The following SH3D19 variants were observed in gnomAD, a reference collection of about 807,000 sequenced individuals.
SH3D19 encodes the protein SH3 domain-containing protein 19.
A neutral mutation model predicts 112.1 loss-of-function variants in SH3D19; 58 were observed. The observed-to-expected ratio is 0.52, with a 90% CI of 0.42 to 0.64. The LOEUF (loss-of-function observed/expected upper bound fraction) is 0.64. Among genes scored for constraint, SH3D19 ranks in the 30% least tolerant of loss-of-function variants. The pLI, the probability that SH3D19 is intolerant of heterozygous loss-of-function variation, is 0.00. For missense variants in SH3D19, 1,090 were observed against 1,263.4 expected (o/e 0.86, Z 2.08); for synonymous variants, 391 against 448.5 (o/e 0.87, Z 1.62).
chr4:151,138,127 A>G (rs935120783), intron 13 of SH3D19, among the ~76,000 whole-genome samples: 1 of 152,216 alleles, frequency 6.6e-6, no homozygotes, highest in Non-Finnish European at 1.5e-5. Context: ...GTGTTAGCAA[A>G]TGTTTCCTAC....
At chr4:151,298,654 T>C (rs913696054) in intron 1 of SH3D19, among the ~76,000 whole-genome samples, 47 of 152,252 alleles carry the variant, frequency 3.1e-4, no homozygotes, top group Non-Finnish European at 5.1e-4. Context: ...CACAATCTGT[T>C]TGAATCATGG....
chr4:151,200,435 T>A (rs960784188), intron 2 of SH3D19, among the ~76,000 whole-genome samples: 5 of 152,196 alleles, frequency 3.3e-5, no homozygotes, highest in Non-Finnish European at 7.3e-5. Context: ...AAACTTACAA[T>A]TAAAGTAAAG....
In SH3D19 at chr4:151,123,297, C is replaced by G. The variant is rs752080125; in HGVS notation, c.3028-1090G>C. Among the ~76,000 whole-genome samples the G allele has an allele frequency of 2.6e-5, 4 of 152,236 alleles. 1 individual carries two copies. Among genetic ancestry groups the G allele is most frequent in the African/African-American group, 9.6e-5 (4 of 41,464 alleles). On this transcript the variant is annotated intron_variant, in intron 19 of 19. Coordinates refer to ENST00000604030, the MANE Select transcript of SH3D19 (RefSeq NM_001378122.1). Reference sequence around the variant, plus strand: ...ATTCCTGGGCTTATATTCCTAACCACTAGGCTATGTGGCCGCCAGATTTTA... The same window carrying G: ...ATTCCTGGGCTTATATTCCTAACCAGTAGGCTATGTGGCCGCCAGATTTTA...
At chr4:151,244,961 G>A (rs1770823382) in intron 1 of SH3D19, among the ~76,000 whole-genome samples, 1 of 152,024 alleles carries the variant, frequency 6.6e-6, no homozygotes, top group Non-Finnish European at 1.5e-5. Context: ...TGGCTAACAC[G>A]GTGAAATCTC....
rs539577807 is a variant in SH3D19, at chr4:151,280,153, A to T, written c.112+45088T>A. 3.7e-3 allele frequency among the ~76,000 whole-genome samples: 254 copies of T among 68,278 alleles called. 2 individuals are homozygous for T. The highest frequency in any genetic ancestry group is 8.7e-3 in the African/African-American group (252 of 29,090). The allele number at this position is 68,278 out of a possible 152,430, so 44.8% of individuals were successfully genotyped here. A position where few individuals can be genotyped will look rare whatever the true frequency, so the allele number is the denominator to read the frequency against. ...AGAAAAAGGAAAGTTGGAGACAGGCACTATATTAAAGACTTTTCTTATTTT... is the reference window on the plus strand; with the variant it reads ...AGAAAAAGGAAAGTTGGAGACAGGCTCTATATTAAAGACTTTTCTTATTTT... On this transcript the variant is annotated intron_variant, in intron 1 of 19. Coordinates refer to ENST00000604030, the MANE Select transcript of SH3D19 (RefSeq NM_001378122.1).
intron 1 of SH3D19, among the ~76,000 whole-genome samples, chr4:151,244,226 C>A (rs1045097807): frequency 3.9e-5 from 6 of 152,056 alleles, no homozygotes; most frequent in African/African-American, 7.2e-5. Flanking sequence ...ACAACAACAA[C>A]AAATACACAA....
At chr4:151,243,062 T>C (rs1181055824) in intron 1 of SH3D19, among the ~76,000 whole-genome samples, 1 of 152,166 alleles carries the variant, frequency 6.6e-6, no homozygotes, top group Non-Finnish European at 1.5e-5. Context: ...ATTAGAAAAA[T>C]TGCAAAAAGA....
At chr4:151,232,485 G>A (rs549371943) in intron 1 of SH3D19, among the ~76,000 whole-genome samples, 7 of 152,278 alleles carry the variant, frequency 4.6e-5, no homozygotes, top group African/African-American at 1.4e-4. Context: ...GTCAGCTGCC[G>A]TCATGTTGTT....
chr4:151,127,147 G>A lies in SH3D19; in HGVS notation c.3027+471C>T, dbSNP rs1367850715. On this transcript the variant is annotated intron_variant, in intron 19 of 19. Transcript: ENST00000604030. ...AGGATGGTCTCGATCTCCTGACCTC[G>A]TGATCCCCCCACCTCGGCCTCCCAA... Among the ~76,000 whole-genome samples the A allele has an allele frequency of 3.3e-5, 5 of 152,004 alleles. No homozygotes were observed. The South Asian group carries it at 6.2e-4, about 19-fold the overall frequency.
At chr4:151,132,226 T>C (rs889286722) in intron 17 of SH3D19, 105 bp downstream of exon 17, 1 of 880,570 alleles carries the variant, frequency 1.1e-6, no homozygotes, top group South Asian at 1.6e-5. Flanking sequence ...GTTGTATGAA[T>C]TGAAAAATTA....
chr4:151,132,311 C>T lies in SH3D19; in HGVS notation c.2742+20G>A. 6.2e-7 allele frequency: 1 copy of T among 1,611,622 alleles called. No homozygotes were observed. ...GTCTGAACCTGGCTGTCACTATAGT[C>T]ATCTGTTCAAGCAGCCTACCTGAGA... is the stretch of plus-strand genomic sequence containing the variant. On this transcript the variant is annotated intron_variant, in intron 17 of 19. Transcript: ENST00000604030.
chr4:151,205,994 C>G (rs1278728846), intron 2 of SH3D19, among the ~76,000 whole-genome samples: 1 of 151,766 alleles, frequency 6.6e-6, no homozygotes. Flanking sequence ...ATACAGTTGA[C>G]TGTTGAGAGG....
At chr4:151,169,120 T>C (rs1407044509) in intron 7 of SH3D19, among the ~76,000 whole-genome samples, 1 of 152,196 alleles carries the variant, frequency 6.6e-6, no homozygotes, top group Non-Finnish European at 1.5e-5. Flanking sequence ...CCAATCATTT[T>C]TTGTTTTAAC....
intron 11 of SH3D19, 159 bp from the exon 12 acceptor site, chr4:151,144,209 C>T (rs1342130222): frequency 3.1e-6 from 5 of 1,611,172 alleles, no homozygotes; most frequent in Non-Finnish European, 4.2e-6. Context: ...AAGGAAAGAG[C>T]TCTACTTTAC....
chr4:151,232,238 C>T (rs935477395), intron 1 of SH3D19, among the ~76,000 whole-genome samples: 1 of 152,122 alleles, frequency 6.6e-6, no homozygotes, highest in African/African-American at 2.4e-5. Flanking sequence ...ATGTTTTCTC[C>T]TTCCCATCCC....
intron 4 of SH3D19, 88 bp from the exon 5 acceptor site, chr4:151,177,043 C>T: frequency 1.7e-6 from 2 of 1,167,936 alleles, no homozygotes; most frequent in Non-Finnish European, 2.2e-6. Flanking sequence ...TGAAAACCAC[C>T]ATCAACCAAA....
Position 151,176,897 on chromosome 4 carries a change from C to T in SH3D19, c.295G>A (p.Gly99Arg). ...AATCCCAGTCCTGGGGGTGGGGTTC[C>T]TGGAAACCACGAGGCTGGCCTCAGT... is the stretch of plus-strand genomic sequence containing the variant. Reference protein sequence around the residue: ...EPLRPASWFPGTPPPGLGFPT... With the variant: ...EPLRPASWFPRTPPPGLGFPT... Residue 99 changes from glycine to arginine, a missense_variant, in exon 5 of 20, where the codon GGA (glycine) becomes AGA (arginine). Coordinates refer to ENST00000604030, the MANE Select transcript of SH3D19 (RefSeq NM_001378122.1). The T allele has an allele frequency of 1.6e-6, 2 of 1,232,216 alleles. No homozygotes were observed. The highest frequency in any genetic ancestry group is 1.0e-6 in the Non-Finnish European group (1 of 987,980). The allele number at this position is 1,232,216 out of a possible 1,614,324, so 76.3% of individuals were successfully genotyped here.
At chr4:151,304,959 TAAAAC>T (rs139381170) in intron 1 of SH3D19, among the ~76,000 whole-genome samples, 17 of 152,112 alleles carry the variant, frequency 1.1e-4, no homozygotes, top group South Asian at 2.1e-4. Flanking sequence ...GTTCTAGGCA[TAAAAC>T]AAAACAAAAC....
intron 18 of SH3D19, 48 bp from the exon 19 acceptor site, chr4:151,127,763 A>C: frequency 9.1e-7 from 1 of 1,092,950 alleles, no homozygotes; most frequent in Non-Finnish European, 1.3e-6. Flanking sequence ...AGTGGACTAA[A>C]ACACAAATCT....
Sources: allele counts gnomAD v4.1 joint callset (sites outside exome capture counted in the v4.1 genomes callset), GRCh38; gene constraint gnomAD v4.1.1; transcripts MANE v1.5; gene names NCBI Gene and HGNC (gene_info 2026-07-23, HGNC 2026-07-21).